Variants in FOXN2 observed in about 807,000 individuals in gnomAD.
FOXN2 encodes forkhead box N2.
In FOXN2, 19 loss-of-function variants were observed where a neutral mutation model predicts 41.2. The observed-to-expected ratio is 0.46, with a 90% CI of 0.32 to 0.68. FOXN2 has a LOEUF of 0.68. FOXN2 is among the 30% of genes least tolerant of loss of function. The pLI, the probability that FOXN2 is intolerant of heterozygous loss-of-function variation, is 0.03. For synonymous variants in FOXN2, 195 were observed against 176.8 expected, an observed-to-expected ratio of 1.10 and a Z score of -0.82; for missense variants, 587 against 509.4, an observed-to-expected ratio of 1.15 and a Z score of -1.47.
chr2:48,318,078 T>G (rs974161216), intron 1 of FOXN2, among the ~76,000 whole-genome samples: 1 of 152,172 alleles, frequency 6.6e-6, no homozygotes, highest in African/African-American at 2.4e-5. Flanking sequence ...AATAAACTTT[T>G]TATTTTAGAA....
At chr2:48,337,675 G>C (rs1225129248) in intron 2 of FOXN2, among the ~76,000 whole-genome samples, 1 of 152,114 alleles carries the variant, frequency 6.6e-6, no homozygotes, top group Non-Finnish European at 1.5e-5. Context: ...TTAGGCTGCT[G>C]CCTGACTAAT....
chr2:48,362,574 C>G, intron 4 of FOXN2, 69 bp from the exon 5 acceptor site: 1 of 1,432,312 alleles, frequency 7.0e-7, no homozygotes, highest in Non-Finnish European at 9.8e-7. Flanking sequence ...GAGAACCTGT[C>G]AAAAATTAGG....
At chr2:48,316,211 TCTC>T (rs1336785104) in intron 1 of FOXN2, among the ~76,000 whole-genome samples, 3 of 152,186 alleles carry the variant, frequency 2.0e-5, no homozygotes, top group Non-Finnish European at 4.4e-5. Flanking sequence ...ACCTTGCAGT[TCTC>T]CTAAGGTGTA....
At chr2:48,355,431 G>A (rs752711517) in intron 3 of FOXN2, among the ~76,000 whole-genome samples, 4 of 152,240 alleles carry the variant, frequency 2.6e-5, no homozygotes, top group East Asian at 3.9e-4. Flanking sequence ...CTATCACCAC[G>A]AGTCAGGGTG....
At position 48,346,658 on chromosome 2, in the gene FOXN2, T is replaced by G; in HGVS notation, c.444T>G (p.Tyr148Ter). The change falls in exon 3 of 7, where the codon TAT (tyrosine) becomes TAG (stop). Residue 148 changes from tyrosine to a stop codon, truncating the protein, a stop_gained. Coordinates refer to ENST00000340553, the MANE Select transcript of FOXN2 (RefSeq NM_002158.4). LOFTEE classifies it high-confidence loss of function. ...IYSWILDHFP[Y>*]FATAPTGWKN... ...GCTGGATTCTGGACCATTTTCCATATTTTGCTACTGCACCAACAGGCTGGA... is the reference window on the plus strand; with the variant it reads ...GCTGGATTCTGGACCATTTTCCATAGTTTGCTACTGCACCAACAGGCTGGA... The G allele has an allele frequency of 6.2e-7, 1 of 1,614,126 alleles. No individual in the cohort carries two copies. The highest frequency in any genetic ancestry group is 8.5e-7 in the Non-Finnish European group (1 of 1,179,992).
chr2:48,367,597 C>A (rs1188888047), intron 5 of FOXN2, among the ~76,000 whole-genome samples: 1 of 152,160 alleles, frequency 6.6e-6, no homozygotes, highest in Non-Finnish European at 1.5e-5. Flanking sequence ...TTGATAGAGA[C>A]AATAAATCCT....
intron 1 of FOXN2, among the ~76,000 whole-genome samples, chr2:48,320,177 A>G (rs1445969752): frequency 6.6e-6 from 1 of 152,116 alleles, no homozygotes; most frequent in African/African-American, 2.4e-5. Flanking sequence ...CAGTTTATAT[A>G]CTACCTCTTT....
At chr2:48,331,494 A>G (rs1345253337) in intron 2 of FOXN2, among the ~76,000 whole-genome samples, 1 of 152,164 alleles carries the variant, frequency 6.6e-6, no homozygotes, top group Non-Finnish European at 1.5e-5. Context: ...CTGTGGACCT[A>G]TGTAAGTTAT....
At chr2:48,319,322 C>T (rs895829079) in intron 1 of FOXN2, among the ~76,000 whole-genome samples, 6 of 151,780 alleles carry the variant, frequency 4.0e-5, no homozygotes, top group Non-Finnish European at 5.9e-5. Context: ...TGATAATAAA[C>T]GTTTTTGGAG....
At position 48,348,369 on chromosome 2, in the gene FOXN2, C is replaced by T. The variant is rs945732893; in HGVS notation, c.537+1618C>T. On this transcript the variant is annotated intron_variant, in intron 3 of 6. Coordinates refer to ENST00000340553, the MANE Select transcript of FOXN2 (RefSeq NM_002158.4). ...TCATGTTTTTAATTTCTAATGTTTT[C>T]ATTTTCCTTTTAAAAAAGTTTCTGT... Among the ~76,000 whole-genome samples, 16 of 151,962 alleles carry T rather than the reference C, an allele frequency of 1.1e-4. 1 individual carries two copies. The highest frequency in any genetic ancestry group is 1.0e-3 in the Admixed American group (16 of 15,246).
intron 3 of FOXN2, among the ~76,000 whole-genome samples, chr2:48,347,397 T>C (rs1671180504): frequency 6.6e-6 from 1 of 151,760 alleles, no homozygotes; most frequent in Admixed American, 6.6e-5. Flanking sequence ...CCTGCTAATT[T>C]TCGTATTTTT....
intron 3 of FOXN2, among the ~76,000 whole-genome samples, chr2:48,350,081 A>G (rs768822658): frequency 2.0e-5 from 3 of 152,230 alleles, no homozygotes; most frequent in African/African-American, 7.2e-5. Flanking sequence ...AGACAGATGT[A>G]CAGAATCTGC....
intron 4 of FOXN2, among the ~76,000 whole-genome samples, chr2:48,359,885 A>G (rs1312944525): frequency 6.6e-6 from 1 of 152,146 alleles, no homozygotes; most frequent in Non-Finnish European, 1.5e-5. Flanking sequence ...ATTTTTTAAC[A>G]AGATTATTAA....
intron 1 of FOXN2, among the ~76,000 whole-genome samples, chr2:48,327,274 T>A (rs1288301777): frequency 6.6e-6 from 1 of 152,048 alleles, no homozygotes; most frequent in African/African-American, 2.4e-5. Context: ...TAGTAGCAAA[T>A]AGAACTAACA....
At chr2:48,330,886 C>A (rs2104220996) in intron 2 of FOXN2, among the ~76,000 whole-genome samples, 1 of 152,268 alleles carries the variant, frequency 6.6e-6, no homozygotes, top group African/African-American at 2.4e-5. Flanking sequence ...ACAATTTTAT[C>A]TGTAGGCTAG....
intron 2 of FOXN2, among the ~76,000 whole-genome samples, chr2:48,338,185 A>T (rs1304654797): frequency 1.3e-5 from 2 of 152,202 alleles, no homozygotes; most frequent in Non-Finnish European, 2.9e-5. Context: ...GAAACTAAAA[A>T]AAGTTTTCTC....
chr2:48,363,217 C>T (rs1322934455), intron 5 of FOXN2, among the ~76,000 whole-genome samples: 1 of 151,824 alleles, frequency 6.6e-6, no homozygotes, highest in Non-Finnish European at 1.5e-5. Flanking sequence ...CCTGTGTATG[C>T]TCAGGTTAAT....
At chr2:48,320,254 A>T (rs1669209972) in intron 1 of FOXN2, among the ~76,000 whole-genome samples, 1 of 152,004 alleles carries the variant, frequency 6.6e-6, no homozygotes, top group African/African-American at 2.4e-5. Flanking sequence ...TTTACTATGT[A>T]TTGGCATAGT....
intron 3 of FOXN2, 44 bp downstream of exon 3, chr2:48,346,795 C>T (rs999553056): frequency 6.8e-7 from 1 of 1,467,540 alleles, no homozygotes; most frequent in East Asian, 2.3e-5. Flanking sequence ...GGTGGGGGGA[C>T]TAATTAACAT....
Sources: allele counts gnomAD v4.1 joint callset (sites outside exome capture counted in the v4.1 genomes callset), GRCh38; gene constraint gnomAD v4.1.1; transcripts MANE v1.5; gene names NCBI Gene and HGNC (gene_info 2026-07-23, HGNC 2026-07-21).